Variants in LRRC4C observed in about 807,000 individuals in gnomAD.
The protein encoded by LRRC4C is leucine rich repeat containing 4C.
A neutral mutation model predicts 33.6 loss-of-function variants in LRRC4C; 5 were observed. That is an observed-to-expected ratio of 0.15 (90% confidence interval 0.08 to 0.31). LRRC4C has a LOEUF of 0.31. LRRC4C is among the 10% of genes least tolerant of loss of function. The pLI, the probability that LRRC4C is intolerant of heterozygous loss-of-function variation, is 1.00. For synonymous variants in LRRC4C, 329 were observed against 302.0 expected (o/e 1.09, Z -0.93); for missense variants, 560 against 796.7 (o/e 0.70, Z 3.58).
chr11:40,745,803 T>G (rs966746829), intron 2 of LRRC4C, among the ~76,000 whole-genome samples: 2 of 152,202 alleles, frequency 1.3e-5, no homozygotes, highest in Non-Finnish European at 2.9e-5. Context: ...TTAAACCTAT[T>G]GTTCCTGGAA....
chr11:40,181,882 C>A (rs1861035634), intron 5 of LRRC4C, among the ~76,000 whole-genome samples: 2 of 152,302 alleles, frequency 1.3e-5, no homozygotes, highest in South Asian at 2.1e-4. Flanking sequence ...GTCTGCTCTT[C>A]CCTTTGGGTG....
intron 4 of LRRC4C, among the ~76,000 whole-genome samples, chr11:40,287,372 C>T (rs372168553): frequency 1.3e-5 from 2 of 151,058 alleles, no homozygotes; most frequent in East Asian, 2.0e-4. Flanking sequence ...TATATATGTG[C>T]GTGCCTGCGT....
At chr11:41,317,348 G>A (rs1950827341) in intron 1 of LRRC4C, among the ~76,000 whole-genome samples, 1 of 151,942 alleles carries the variant, frequency 6.6e-6, no homozygotes, top group Non-Finnish European at 1.5e-5. Flanking sequence ...TTACGGCCAA[G>A]TTTTATGTGT....
Position 41,304,905 on chromosome 11 carries a change from G to A in LRRC4C, c.-496+154526C>T, listed in dbSNP as rs1310356963. Among the ~76,000 whole-genome samples, 15 of 52,786 alleles carry A rather than the reference G, an allele frequency of 2.8e-4. 2 individuals are homozygous for A. The highest frequency in any genetic ancestry group is 5.3e-4 in the Non-Finnish European group (10 of 19,020). 34.6% of individuals were successfully genotyped at this position (52,786 alleles called of 152,430 possible). On this transcript the variant is annotated intron_variant, in intron 1 of 6. Transcript: ENST00000528697. ...CTCCGCCCGGCCAGCCGCCCCATCC[G>A]GGAGGGAGGTGGGGGGGGGTCAGCC...
intron 3 of LRRC4C, among the ~76,000 whole-genome samples, chr11:40,621,869 A>G (rs1299077939): frequency 6.6e-6 from 1 of 151,868 alleles, no homozygotes; most frequent in Non-Finnish European, 1.5e-5. Context: ...TGATATAGGT[A>G]CTCCATTTAC....
intron 3 of LRRC4C, among the ~76,000 whole-genome samples, chr11:40,584,963 AAAAG>A (rs1157233062): frequency 6.6e-6 from 1 of 151,280 alleles, no homozygotes; most frequent in East Asian, 1.9e-4. Context: ...AAAAAAAAAA[AAAAG>A]AAAGTTTAAC....
At chr11:40,330,489 A>G (rs1415611848) in intron 3 of LRRC4C, among the ~76,000 whole-genome samples, 2 of 152,086 alleles carry the variant, frequency 1.3e-5, no homozygotes, top group Non-Finnish European at 2.9e-5. Flanking sequence ...ATCTTCTTGT[A>G]TTAGCCTGGT....
intron 1 of LRRC4C, among the ~76,000 whole-genome samples, chr11:41,284,892 C>CA (rs1312374863): frequency 2.6e-5 from 4 of 152,156 alleles, no homozygotes; most frequent in African/African-American, 9.7e-5. Flanking sequence ...CACAAAAACA[C>CA]AAAGTTATGA....
chr11:41,339,985 G>C (rs1371116179), intron 1 of LRRC4C, among the ~76,000 whole-genome samples: 2 of 152,126 alleles, frequency 1.3e-5, no homozygotes, highest in African/African-American at 4.8e-5. Flanking sequence ...TATATGTGAA[G>C]GGCTCCAGAA....
At chr11:40,248,541 G>A (rs987763503) in intron 4 of LRRC4C, among the ~76,000 whole-genome samples, 6 of 151,940 alleles carry the variant, frequency 3.9e-5, no homozygotes, top group African/African-American at 1.2e-4. Context: ...GATCATCCCG[G>A]GTAACATAGG....
intron 2 of LRRC4C, among the ~76,000 whole-genome samples, chr11:40,797,218 G>C (rs1341356790): frequency 6.6e-6 from 1 of 152,132 alleles, no homozygotes; most frequent in African/African-American, 2.4e-5. Flanking sequence ...TCTGAACTAA[G>C]AAAGATACAG....
intron 2 of LRRC4C, among the ~76,000 whole-genome samples, chr11:40,765,342 T>G (rs1479555506): frequency 6.6e-6 from 1 of 152,190 alleles, no homozygotes; most frequent in African/African-American, 2.4e-5. Context: ...TGTGCCTGCT[T>G]ACCTTCCACC....
chr11:41,390,264 G>A (rs1227625533), intron 1 of LRRC4C, among the ~76,000 whole-genome samples: 1 of 151,832 alleles, frequency 6.6e-6, no homozygotes, highest in Non-Finnish European at 1.5e-5. Flanking sequence ...AAACAACACA[G>A]GGCACTAAGA....
At chr11:41,031,512 A>G (rs1253883235) in intron 1 of LRRC4C, among the ~76,000 whole-genome samples, 1 of 152,046 alleles carries the variant, frequency 6.6e-6, no homozygotes, top group Non-Finnish European at 1.5e-5. Context: ...CTCAGGGTGT[A>G]TATTGCTTGA....
Position 41,083,743 on chromosome 11 carries a change from C to A in LRRC4C, c.-495-150020G>T, listed in dbSNP as rs181878491. 8.7e-3 allele frequency among the ~76,000 whole-genome samples: 1,319 copies of A among 152,200 alleles called. 3 individuals carry two copies. The highest frequency in any genetic ancestry group is 0.014 in the Middle Eastern group (4 of 294). ...TGGATTTGGACAACCCATGCTGCAG[C>A]AGAGATAATGTACATATTACTCTCA... On this transcript the variant is annotated intron_variant, in intron 1 of 6. Coordinates refer to ENST00000528697, the MANE Select transcript of LRRC4C (RefSeq NM_001258419.2).
In LRRC4C at chr11:40,503,092, C is replaced by T. The variant is rs577123196; in HGVS notation, c.-270+145050G>A. ...CCCAAGACACCATGCTGACTCGCAG[C>T]GCATGGCTACTATACTGTTTCAAAC... On this transcript the variant is annotated intron_variant, in intron 3 of 6. Coordinates refer to ENST00000528697, the MANE Select transcript of LRRC4C (RefSeq NM_001258419.2). Among the ~76,000 whole-genome samples, 14 of 152,236 alleles carry T rather than the reference C, an allele frequency of 9.2e-5. No individual in the cohort carries two copies. In the South Asian group the frequency reaches 1.5e-3, roughly 16 times the overall value.
At chr11:40,923,169 A>T (rs1230572181) in intron 2 of LRRC4C, among the ~76,000 whole-genome samples, 2 of 152,156 alleles carry the variant, frequency 1.3e-5, no homozygotes, top group East Asian at 1.9e-4. Flanking sequence ...ACATTGTTAC[A>T]TTTCATTTAC....
At chr11:40,916,591 AAT>A (rs1422011224) in intron 2 of LRRC4C, among the ~76,000 whole-genome samples, 1 of 152,158 alleles carries the variant, frequency 6.6e-6, no homozygotes, top group Non-Finnish European at 1.5e-5. Flanking sequence ...AGATATATCT[AAT>A]GTTAAATGAC....
At chr11:40,556,355 A>C (rs903645920) in intron 3 of LRRC4C, among the ~76,000 whole-genome samples, 3 of 152,224 alleles carry the variant, frequency 2.0e-5, no homozygotes, top group Admixed American at 6.5e-5. Flanking sequence ...GAGATATTTC[A>C]ATCAGCAAGG....
Sources: gnomAD v4.1 joint callset for allele counts (sites outside exome capture counted in the v4.1 genomes callset) on GRCh38, gnomAD v4.1.1 for gene constraint, MANE v1.5 for transcripts, NCBI Gene and HGNC (gene_info 2026-07-23, HGNC 2026-07-21) for gene names.